LPP: variants seen among roughly 807,000 people sequenced by gnomAD.
LPP encodes lipoma-preferred partner.
LPP carries 38 observed loss-of-function variants against 60.4 expected under a neutral mutation model. The ratio of observed to expected loss-of-function variants is 0.63; its 90% CI spans 0.49 to 0.83. The LOEUF is 0.83. LPP is among the 40% of genes least tolerant of loss of function. The pLI, the probability that LPP is intolerant of heterozygous loss-of-function variation, is 0.00. For synonymous variants in LPP, 328 were observed against 290.8 expected (o/e 1.13, Z -1.30); for missense variants, 902 against 783.6 (o/e 1.15, Z -1.80).
Position 188,691,295 on chromosome 3 carries a change from T to G in LPP, c.1114-16972T>G, listed in dbSNP as rs532772652. Among the ~76,000 whole-genome samples, 11 of 152,360 alleles carry G rather than the reference T, an allele frequency of 7.2e-5. No homozygotes were observed. The South Asian group carries it at 2.3e-3, about 32-fold the overall frequency. On this transcript the variant is annotated intron_variant, in intron 7 of 11. Transcript: ENST00000617246. ...ACATGTAGCTGACTGGTGAAGGCCATGGACTATAGAGTCATACTGGAATCC... is the reference window on the plus strand; with the variant it reads ...ACATGTAGCTGACTGGTGAAGGCCAGGGACTATAGAGTCATACTGGAATCC...
intron 6 of LPP, among the ~76,000 whole-genome samples, chr3:188,577,782 GTCCTTCCCTTCCCTCCCTCCCTCCT>G (rs1835064790): frequency 1.1e-5 from 1 of 88,452 alleles, no homozygotes; most frequent in African/African-American, 4.0e-5. Context: ...CCTTCCTTCT[GTCCTTCCCTTCCCTCCCTCCCTCCT>G]TCCTCCCCTC....
At chr3:188,255,563 T>G (rs1731386058) in intron 2 of LPP, among the ~76,000 whole-genome samples, 1 of 152,194 alleles carries the variant, frequency 6.6e-6, no homozygotes, top group Non-Finnish European at 1.5e-5. Flanking sequence ...TTGTAATGGT[T>G]AGTTGTATAC....
At chr3:188,672,948 TTTTC>T (rs1857236439) in intron 7 of LPP, among the ~76,000 whole-genome samples, 1 of 151,488 alleles carries the variant, frequency 6.6e-6, no homozygotes, top group African/African-American at 2.4e-5. Flanking sequence ...GAAAAAATTG[TTTTC>T]TTTTATTGTT....
At chr3:188,793,949 T>C (rs1744589301) in intron 9 of LPP, among the ~76,000 whole-genome samples, 1 of 152,182 alleles carries the variant, frequency 6.6e-6, no homozygotes, top group African/African-American at 2.4e-5. Flanking sequence ...CCACCGAGAC[T>C]ATTCATAGCT....
chr3:188,758,335 A>T (rs1360913843), intron 8 of LPP, among the ~76,000 whole-genome samples: 2 of 151,674 alleles, frequency 1.3e-5, no homozygotes, highest in African/African-American at 4.8e-5. Context: ...TATTTTTTGT[A>T]TTTTTCATAG....
intron 6 of LPP, among the ~76,000 whole-genome samples, chr3:188,549,153 A>T (rs1213568247): frequency 1.3e-5 from 2 of 152,204 alleles, no homozygotes; most frequent in African/African-American, 2.4e-5. Context: ...TTTTTAATTT[A>T]AAAAAAGCAG....
intron 3 of LPP, among the ~76,000 whole-genome samples, chr3:188,345,883 G>T (rs997431482): frequency 6.6e-6 from 1 of 152,176 alleles, no homozygotes; most frequent in Non-Finnish European, 1.5e-5. Flanking sequence ...TCAGTTGACT[G>T]AGTCTGAGGT....
chr3:188,708,346 A>G lies in LPP; in HGVS notation c.1193A>G (p.Lys398Arg). 1 of 1,614,192 alleles carries G rather than the reference A, an allele frequency of 6.2e-7. No homozygotes were observed. The highest frequency in any genetic ancestry group is 2.2e-5 in the East Asian group (1 of 44,886). ...GAGGATGAGCTTGAGCACCTGACCA[A>G]AAAGATGCTGTATGACATGGAAAAT... ...RPEDELEHLT[K>R]KMLYDMENPP... is the part of the protein sequence containing the mutation. Residue 398 changes from lysine (K) to arginine (R), a missense_variant, in exon 8 of 12, where the codon AAA (lysine) becomes AGA (arginine). Coordinates refer to ENST00000617246, the MANE Select transcript of LPP (RefSeq NM_001375462.1).
rs146288863 is a variant in LPP, at chr3:188,296,732, GA to G, written c.-66-44930del. ...AATGAAATTTACCCTCTTCCTCTCAGATAGCTCCTGCACTCAATAACTCCCA... is the reference window on the plus strand; with the variant it reads ...AATGAAATTTACCCTCTTCCTCTCAGTAGCTCCTGCACTCAATAACTCCCA... On this transcript the variant is annotated intron_variant, in intron 2 of 11. Coordinates refer to ENST00000617246, the MANE Select transcript of LPP (RefSeq NM_001375462.1). Among the ~76,000 whole-genome samples the G allele has an allele frequency of 7.1e-4, 108 of 152,296 alleles. 2 individuals carry two copies. The East Asian group carries it at 0.019, about 27-fold the overall frequency.
chr3:188,160,503 C>T (rs1179907975), intron 1 of LPP, among the ~76,000 whole-genome samples: 1 of 152,200 alleles, frequency 6.6e-6, no homozygotes, highest in Admixed American at 6.5e-5. Flanking sequence ...CCTCTGTTTT[C>T]TTAATCCATG....
intron 4 of LPP, among the ~76,000 whole-genome samples, chr3:188,451,794 A>T (rs1173457897): frequency 7.9e-5 from 12 of 152,178 alleles, no homozygotes; most frequent in Admixed American, 7.9e-4. Flanking sequence ...CAGAGAGAAT[A>T]ATGTGTGCAG....
At chr3:188,191,436 G>T (rs900760993) in intron 1 of LPP, among the ~76,000 whole-genome samples, 1 of 152,174 alleles carries the variant, frequency 6.6e-6, no homozygotes, top group Non-Finnish European at 1.5e-5. Flanking sequence ...GTTTGGATTT[G>T]ATTTGTGGGC....
intron 9 of LPP, among the ~76,000 whole-genome samples, chr3:188,797,029 C>T (rs1305359781): frequency 6.6e-6 from 1 of 152,176 alleles, no homozygotes; most frequent in Admixed American, 6.5e-5. Flanking sequence ...TCTCCACAGA[C>T]TCTGCCCTGA....
At chr3:188,291,624 C>G (rs935965610) in intron 2 of LPP, among the ~76,000 whole-genome samples, 1 of 129,632 alleles carries the variant, frequency 7.7e-6, no homozygotes, top group African/African-American at 2.9e-5. Flanking sequence ...CCAGCCTGGG[C>G]GACAGAGCGA....
chr3:188,204,896 A>T (rs747138873), intron 1 of LPP, among the ~76,000 whole-genome samples: 13 of 152,224 alleles, frequency 8.5e-5, no homozygotes, highest in Non-Finnish European at 7.3e-5. Context: ...TTCAAAGATG[A>T]GCTATAGAGA....
chr3:188,834,324 G>GTTTTTTTTTTTTTTTTTTTTT (rs71867135), intron 9 of LPP, among the ~76,000 whole-genome samples: 57 of 34,044 alleles, frequency 1.7e-3, no homozygotes, highest in Non-Finnish European at 2.1e-3. Context: ...CTTTTTGGGT[G>GTTTTTTTTTTTTTTTTTTTTT]TTTTTTTTTT....
intron 8 of LPP, chr3:188,708,901 T>G (rs1345229398): frequency 6.4e-6 from 1 of 155,644 alleles, no homozygotes; most frequent in African/African-American, 2.4e-5. Flanking sequence ...TTTTGTTTTT[T>G]GTTTTAAAAA....
intron 3 of LPP, among the ~76,000 whole-genome samples, chr3:188,345,396 C>T (rs933687798): frequency 7.9e-5 from 12 of 152,076 alleles, no homozygotes; most frequent in African/African-American, 2.7e-4. Context: ...GGTTGTTTGA[C>T]GCTGACATCA....
At chr3:188,803,012 A>AAG (rs1306218130) in intron 9 of LPP, among the ~76,000 whole-genome samples, 1 of 149,208 alleles carries the variant, frequency 6.7e-6, no homozygotes, top group Non-Finnish European at 1.5e-5. Context: ...TAATAATACT[A>AAG]TATATTAGAT....
Sources: gnomAD v4.1 joint callset for allele counts (sites outside exome capture counted in the v4.1 genomes callset) on GRCh38, gnomAD v4.1.1 for gene constraint, MANE v1.5 for transcripts, NCBI Gene and HGNC (gene_info 2026-07-23, HGNC 2026-07-21) for gene names.